Variants in SLC35F3 observed in about 807,000 individuals in gnomAD.
The protein encoded by SLC35F3 is solute carrier family 35 member F3, also known as putative thiamine transporter SLC35F3.
A neutral mutation model predicts 49.9 loss-of-function variants in SLC35F3; 25 were observed. That is an observed-to-expected ratio of 0.50 (90% CI 0.37 to 0.70). The LOEUF (loss-of-function observed/expected upper bound fraction) is 0.70. Among genes scored for constraint, SLC35F3 ranks in the 30% least tolerant of loss-of-function variants. The probability of loss-of-function intolerance (pLI) is 0.00; values close to 1 mark genes in which losing one functional copy is unlikely to be tolerated. For synonymous variants in SLC35F3, 275 were observed against 265.4 expected, an observed-to-expected ratio of 1.04 and a Z score of -0.35; for missense variants, 525 against 639.8, an observed-to-expected ratio of 0.82 and a Z score of 1.94.
intron 3 of SLC35F3, chr1:234,272,582 G>T (rs564383299): frequency 6.6e-6 from 1 of 152,400 alleles, no homozygotes; most frequent in Admixed American, 6.5e-5. Context: ...TGAGGACTTG[G>T]CCTCTGTGCT....
rs118183391 is a variant in SLC35F3 at position 234,075,870 on chromosome 1, T to C, written c.284-155547T>C. ...CATAAAGTGCTGATATACTGAGTAA[T>C]TGACTATTCCCCTACCTGCTCCTTT... On this transcript the variant is annotated intron_variant, in intron 2 of 7. Transcript: ENST00000366618. Among the ~76,000 whole-genome samples the C allele has an allele frequency of 3.1e-3, 476 of 152,304 alleles. 4 individuals carry two copies. The highest frequency in any genetic ancestry group is 0.026 in the Admixed American group (402 of 15,292).
At chr1:234,302,106 G>A (rs1054840609) in intron 3 of SLC35F3, among the ~76,000 whole-genome samples, 4 of 152,010 alleles carry the variant, frequency 2.6e-5, no homozygotes, top group East Asian at 1.9e-4. Flanking sequence ...ACCATGGCAT[G>A]CATGTACCTA....
intron 2 of SLC35F3, among the ~76,000 whole-genome samples, chr1:233,982,150 C>G (rs898825043): frequency 3.3e-5 from 5 of 152,136 alleles, no homozygotes; most frequent in Non-Finnish European, 7.4e-5. Flanking sequence ...GTCTCAAACT[C>G]CTGGCCTCAA....
intron 2 of SLC35F3, among the ~76,000 whole-genome samples, chr1:234,049,506 TC>T (rs1442215075): frequency 1.3e-5 from 2 of 152,204 alleles, no homozygotes; most frequent in Non-Finnish European, 2.9e-5. Context: ...GGCACCTTGA[TC>T]AGGACTTCTA....
intron 2 of SLC35F3, among the ~76,000 whole-genome samples, chr1:234,151,156 G>A (rs1464421361): frequency 6.6e-6 from 1 of 151,868 alleles, no homozygotes; most frequent in East Asian, 1.9e-4. Context: ...GCAGGATGGG[G>A]ACAAACAGAA....
chr1:234,135,041 GCATCCCAGGCAAGAAC>G (rs2102900041), intron 2 of SLC35F3, among the ~76,000 whole-genome samples: 1 of 152,212 alleles, frequency 6.6e-6, no homozygotes, highest in Non-Finnish European at 1.5e-5. Context: ...TTTCTAATTT[GCATCCCAGGCAAGAAC>G]CAACAAGACA....
Position 234,320,952 on chromosome 1 carries a change from C to G in SLC35F3, c.1237+765C>G, listed in dbSNP as rs1217859669. 6.6e-6 allele frequency among the ~76,000 whole-genome samples: 1 copy of G among 152,154 alleles called. No homozygotes were observed. The highest frequency in any genetic ancestry group is 1.5e-5 in the Non-Finnish European group (1 of 68,018). On this transcript the variant is annotated intron_variant, in intron 7 of 7. Transcript: ENST00000366618. The surrounding 1 kb of genome is among the most constrained non-coding windows in gnomAD (Gnocchi z 4.8). Reference sequence around the variant, plus strand: ...GAAAAGGGCTGTGAATCTGTCCTCCCCAGAACACTCACTCCTTTGTCCCTG... The same window carrying G: ...GAAAAGGGCTGTGAATCTGTCCTCCGCAGAACACTCACTCCTTTGTCCCTG...
chr1:233,958,291 A>G lies in SLC35F3; in HGVS notation c.283+52533A>G, dbSNP rs140723020. 1.2e-3 allele frequency among the ~76,000 whole-genome samples: 180 copies of G among 152,334 alleles called. 1 individual carries two copies. The Middle Eastern group carries it at 0.017, about 14-fold the overall frequency. On this transcript the variant is annotated intron_variant, in intron 2 of 7. Transcript: ENST00000366618. ...TCACTGTCTTCTGTGTGCCCTGAAC[A>G]TAGGTTTTGGTTTAGTTGCCACTTT... is the stretch of plus-strand genomic sequence containing the variant.
At chr1:234,191,080 C>T (rs959318384) in intron 2 of SLC35F3, among the ~76,000 whole-genome samples, 1 of 152,150 alleles carries the variant, frequency 6.6e-6, no homozygotes, top group African/African-American at 2.4e-5. Context: ...TGTTTACTTG[C>T]TCACAGGTTC....
chr1:234,094,379 T>G (rs1014189320), intron 2 of SLC35F3, among the ~76,000 whole-genome samples: 1 of 152,248 alleles, frequency 6.6e-6, no homozygotes, highest in Non-Finnish European at 1.5e-5. Flanking sequence ...TGAATTATCT[T>G]AAGTTCAGCT....
Position 233,955,154 on chromosome 1 carries a change from T to C in SLC35F3, c.283+49396T>C, listed in dbSNP as rs571962544. Among the ~76,000 whole-genome samples, 224 of 152,282 alleles carry C rather than the reference T, an allele frequency of 1.5e-3. 1 individual carries two copies. Among genetic ancestry groups the C allele is most frequent in the African/African-American group, 5.1e-3 (214 of 41,560 alleles). ...CCACCGCACCAGGCCAGTCTTCTTA[T>C]GTGAAAAAAATCAGCCTTACTGTTT... On this transcript the variant is annotated intron_variant, in intron 2 of 7. Coordinates refer to ENST00000366618, the MANE Select transcript of SLC35F3 (RefSeq NM_173508.4).
intron 2 of SLC35F3, among the ~76,000 whole-genome samples, chr1:233,993,453 T>A (rs942121015): frequency 2.6e-5 from 4 of 152,226 alleles, no homozygotes; most frequent in Admixed American, 6.5e-5. Flanking sequence ...CAGCTTTCTT[T>A]ATGATAGATT....
intron 2 of SLC35F3, among the ~76,000 whole-genome samples, chr1:233,945,632 C>A (rs1283810977): frequency 2.6e-5 from 4 of 152,276 alleles, no homozygotes; most frequent in East Asian, 1.9e-4. Flanking sequence ...TTATAATAAT[C>A]CCCATGTGTC....
At chr1:234,130,746 C>T (rs906113511) in intron 2 of SLC35F3, among the ~76,000 whole-genome samples, 2 of 151,892 alleles carry the variant, frequency 1.3e-5, no homozygotes, top group African/African-American at 4.8e-5. Flanking sequence ...GGCACCATCA[C>T]TTTGTAAAGA....
intron 2 of SLC35F3, among the ~76,000 whole-genome samples, chr1:234,076,998 G>GTT (rs56254338): frequency 9.9e-5 from 9 of 91,262 alleles, no homozygotes; most frequent in Admixed American, 2.3e-4. Flanking sequence ...TTTTTTTTTT[G>GTT]TTTTTTTTTT....
At chr1:234,073,097 C>T (rs1258607647) in intron 2 of SLC35F3, among the ~76,000 whole-genome samples, 1 of 152,122 alleles carries the variant, frequency 6.6e-6, no homozygotes, top group Non-Finnish European at 1.5e-5. Context: ...GTACCTTTCC[C>T]ACAAGAACAC....
intron 2 of SLC35F3, among the ~76,000 whole-genome samples, chr1:233,962,464 A>G (rs772782079): frequency 1.1e-4 from 17 of 152,222 alleles, no homozygotes; most frequent in African/African-American, 1.9e-4. Context: ...TTGAATTCCA[A>G]TGTGCCTTAC....
intron 2 of SLC35F3, among the ~76,000 whole-genome samples, chr1:233,932,570 A>G (rs1222639165): frequency 2.0e-5 from 3 of 152,174 alleles, no homozygotes; most frequent in Non-Finnish European, 4.4e-5. Flanking sequence ...ATGTATGTGT[A>G]TGTAAAAGGG....
chr1:234,200,821 C>T (rs578099413), intron 2 of SLC35F3, among the ~76,000 whole-genome samples: 14 of 152,302 alleles, frequency 9.2e-5, no homozygotes, highest in South Asian at 6.2e-4. Context: ...GCTGCAGCTG[C>T]GAGACAGACC....
Sources: allele counts gnomAD v4.1 joint callset (sites outside exome capture counted in the v4.1 genomes callset), GRCh38; gene constraint gnomAD v4.1.1; non-coding constraint Gnocchi (gnomAD v3.1); transcripts MANE v1.5; gene names NCBI Gene and HGNC (gene_info 2026-07-23, HGNC 2026-07-21).